SERPINB12: variants seen among roughly 807,000 people sequenced by gnomAD.
The protein encoded by SERPINB12 is serpin family B member 12.
SERPINB12 carries 57 observed loss-of-function variants against 41.1 expected under a neutral mutation model. The ratio of observed to expected loss-of-function variants is 1.39; its 90% CI spans 1.12 to 1.73. SERPINB12 has a LOEUF of 1.73. Among genes scored for constraint, SERPINB12 ranks in the 40% most tolerant of loss-of-function variants. The probability of loss-of-function intolerance (pLI) is 0.00; values close to 1 mark genes in which losing one functional copy is unlikely to be tolerated. For missense variants in SERPINB12, 536 were observed against 501.9 expected (o/e 1.07, Z -0.65); for synonymous variants, 180 against 181.3 (o/e 0.99, Z 0.06).
intron 1 of SERPINB12, among the ~76,000 whole-genome samples, chr18:63,545,859 T>C (rs1910376291): frequency 1.3e-5 from 2 of 152,302 alleles, no homozygotes; most frequent in South Asian, 4.1e-4. Context: ...CTAGACTGGT[T>C]TTTAGAATTT....
In SERPINB12 at chr18:63,568,855, C is replaced by G. The variant is rs192969612; in HGVS notation, c.*1844C>G. ...TTCCATGTTCTCCATACAACCTTCT[C>G]ATTGTTGAAGCTCACTTACGACCTA... On this transcript the variant is annotated 3_prime_UTR_variant, in exon 8 of 8. Coordinates refer to ENST00000382768, the MANE Select transcript of SERPINB12 (RefSeq NM_001307928.2). 2.5e-3 allele frequency among the ~76,000 whole-genome samples: 377 copies of G among 152,352 alleles called. 1 individual carries two copies. The highest frequency in any genetic ancestry group is 8.8e-3 in the African/African-American group (364 of 41,574).
the SERPINB12 span, among the ~76,000 whole-genome samples, chr18:63,526,271 T>G: frequency 6.6e-6 from 1 of 152,122 alleles, no homozygotes; most frequent in Non-Finnish European, 1.5e-5. Flanking sequence ...CAGAAGCAGA[T>G]TCCCTAGCTT....
chr18:63,535,986 T>G, the SERPINB12 span, among the ~76,000 whole-genome samples: 1 of 152,040 alleles, frequency 6.6e-6, no homozygotes, highest in Admixed American at 6.6e-5. Flanking sequence ...GTATATATAT[T>G]TTCTCTCTAT....
At chr18:63,564,796 C>T (rs1398547683) in intron 6 of SERPINB12, among the ~76,000 whole-genome samples, 1 of 152,180 alleles carries the variant, frequency 6.6e-6, no homozygotes, top group Non-Finnish European at 1.5e-5. Flanking sequence ...GGGATAGGCC[C>T]TACAGTGGGA....
the SERPINB12 span, among the ~76,000 whole-genome samples, chr18:63,521,254 C>G: frequency 6.6e-6 from 1 of 152,196 alleles, no homozygotes; most frequent in African/African-American, 2.4e-5. Flanking sequence ...ACATAAATGA[C>G]TCCATTTGAT....
At chr18:63,556,433 G>A in intron 2 of SERPINB12, 106 bp downstream of exon 2, 1 of 1,026,738 alleles carries the variant, frequency 9.7e-7, no homozygotes, top group Middle Eastern at 3.1e-4. Flanking sequence ...TGCACCCTGG[G>A]CTTGGTCAGA....
intron 2 of SERPINB12, among the ~76,000 whole-genome samples, chr18:63,557,038 G>A (rs1392516104): frequency 6.6e-6 from 1 of 152,164 alleles, no homozygotes; most frequent in Non-Finnish European, 1.5e-5. Flanking sequence ...TTTCACTCAT[G>A]ATAGCAGTTC....
At chr18:63,556,807 G>C (rs1910695851) in intron 2 of SERPINB12, among the ~76,000 whole-genome samples, 1 of 152,084 alleles carries the variant, frequency 6.6e-6, no homozygotes, top group Non-Finnish European at 1.5e-5. Context: ...AGAAAATTCT[G>C]TTGGCTTTTC....
chr18:63,565,485 T>A lies in SERPINB12; in HGVS notation c.746T>A (p.Leu249His). Residue 249 changes from leucine (L) to histidine (H), a missense_variant, in exon 7 of 8, where the codon CTC becomes CAC. Physicochemically the swap from Leu to His is moderately conservative, Grantham distance 99. Coordinates refer to ENST00000382768, the MANE Select transcript of SERPINB12 (RefSeq NM_001307928.2). ...GTGAAGATGATGACGCAAAAAGGCCTCTACAGAATTGGCTTCATAGAGGAG... is the reference window on the plus strand; with the variant it reads ...GTGAAGATGATGACGCAAAAAGGCCACTACAGAATTGGCTTCATAGAGGAG... The part of the protein sequence containing the change: ...KSVKMMTQKG[L>H]YRIGFIEEVK... The A allele has an allele frequency of 6.2e-7, 1 of 1,613,922 alleles. No homozygotes were observed. Among genetic ancestry groups the A allele is most frequent in the Non-Finnish European group, 8.5e-7 (1 of 1,179,928 alleles).
At chr18:63,558,944 C>T (rs986795548) in intron 3 of SERPINB12, among the ~76,000 whole-genome samples, 1 of 151,970 alleles carries the variant, frequency 6.6e-6, no homozygotes, top group African/African-American at 2.4e-5. Context: ...TATGCATCCC[C>T]CTACTTTAGA....
intron 4 of SERPINB12, among the ~76,000 whole-genome samples, chr18:63,560,697 A>T (rs1435556057): frequency 6.6e-6 from 1 of 152,174 alleles, no homozygotes; most frequent in East Asian, 1.9e-4. Flanking sequence ...CTCTAAACAG[A>T]AACTCTGCAA....
the SERPINB12 span, among the ~76,000 whole-genome samples, chr18:63,537,243 C>T: frequency 1.3e-5 from 2 of 152,144 alleles, no homozygotes; most frequent in Non-Finnish European, 2.9e-5. Context: ...GCAGAGATTG[C>T]AGGTTGGCAC....
the SERPINB12 span, among the ~76,000 whole-genome samples, chr18:63,527,728 C>T: frequency 9.9e-5 from 15 of 152,272 alleles, no homozygotes; most frequent in East Asian, 2.9e-3. Context: ...TCTGTGTGAA[C>T]TCCTTTAACA....
intron 1 of SERPINB12, among the ~76,000 whole-genome samples, chr18:63,554,835 TTGAGGGAGAGACCTGGTGG>T (rs1268334992): frequency 6.6e-6 from 1 of 152,174 alleles, no homozygotes; most frequent in Non-Finnish European, 1.5e-5. Flanking sequence ...TCTCCACGTG[TTGAGGGAGAGACCTGGTGG>T]GAGGTGATTG....
chr18:63,544,861 T>C (rs1802140325), intron 1 of SERPINB12, among the ~76,000 whole-genome samples: 1 of 152,196 alleles, frequency 6.6e-6, no homozygotes, highest in Admixed American at 6.5e-5. Context: ...ATTTTTTCAT[T>C]AGGTTGAAAG....
At chr18:63,519,317 T>C in the SERPINB12 span, among the ~76,000 whole-genome samples, 3 of 152,294 alleles carry the variant, frequency 2.0e-5, no homozygotes, top group Admixed American at 1.3e-4. Context: ...AAAGTGCTTA[T>C]AAAAGGAAAA....
chr18:63,539,388 T>C (rs1599409653), upstream of SERPINB12, among the ~76,000 whole-genome samples: 1 of 152,154 alleles, frequency 6.6e-6, no homozygotes, highest in Non-Finnish European at 1.5e-5. Context: ...TTCCATACTT[T>C]TTCAGCAAAG....
intron 2 of SERPINB12, among the ~76,000 whole-genome samples, chr18:63,557,465 T>G (rs535235014): frequency 1.2e-4 from 19 of 152,326 alleles, no homozygotes; most frequent in African/African-American, 4.6e-4. Flanking sequence ...CTTCCTTGGA[T>G]GTAGCACATA....
intron 1 of SERPINB12, among the ~76,000 whole-genome samples, chr18:63,551,735 CTTACAA>C (rs1183276869): frequency 6.6e-6 from 1 of 152,162 alleles, no homozygotes; most frequent in Admixed American, 6.5e-5. Flanking sequence ...AGAAATCTCT[CTTACAA>C]TTACATTTTG....
Sources: allele counts gnomAD v4.1 joint callset (sites outside exome capture counted in the v4.1 genomes callset), GRCh38; gene constraint gnomAD v4.1.1; transcripts MANE v1.5; gene names NCBI Gene and HGNC (gene_info 2026-07-23, HGNC 2026-07-21).